The following CEP83 variants were observed in gnomAD, a reference collection of about 807,000 sequenced individuals.
CEP83 encodes the protein centrosomal protein of 83 kDa.
A neutral mutation model predicts 101.9 loss-of-function variants in CEP83; 70 were observed. The observed-to-expected ratio is 0.69, with a 90% CI of 0.57 to 0.84. The LOEUF is 0.84. CEP83 is among the 40% of genes least tolerant of loss of function. The pLI is 0.00. For synonymous variants in CEP83, 264 were observed against 267.9 expected, an observed-to-expected ratio of 0.99 and a Z score of 0.14; for missense variants, 715 against 787.2, an observed-to-expected ratio of 0.91 and a Z score of 1.10.
intron 4 of CEP83, among the ~76,000 whole-genome samples, chr12:94,408,769 A>G (rs151250788): frequency 3.0e-4 from 45 of 152,054 alleles, no homozygotes; most frequent in African/African-American, 1.1e-3. Flanking sequence ...TACTTTTTAG[A>G]GACAGAGTTA....
At chr12:94,411,985 T>A in intron 3 of CEP83, 138 bp from the exon 4 acceptor site, 1 of 733,932 alleles carries the variant, frequency 1.4e-6, no homozygotes, top group Non-Finnish European at 2.2e-6. Flanking sequence ...TATCTTTTAT[T>A]TACAGAGTTT....
At chr12:94,408,126 C>G (rs781315559) in intron 4 of CEP83, 1 of 152,184 alleles carries the variant, frequency 6.6e-6, no homozygotes, top group Admixed American at 6.5e-5. Flanking sequence ...GTGTCTTAGA[C>G]TTCTAATGGA....
At chr12:94,343,470 C>CTTTTTTTTTTTTTTTTTTTTTTTTT in intron 11 of CEP83, among the ~76,000 whole-genome samples, 1 of 84,168 alleles carries the variant, frequency 1.2e-5, no homozygotes, top group Non-Finnish European at 2.2e-5. Flanking sequence ...TAGAAATTAA[C>CTTTTTTTTTTTTTTTTTTTTTTTTT]TTTTTTTTTT....
At chr12:94,453,520 T>C (rs1437412439) in intron 1 of CEP83, among the ~76,000 whole-genome samples, 2 of 152,216 alleles carry the variant, frequency 1.3e-5, no homozygotes, top group Non-Finnish European at 2.9e-5. Flanking sequence ...ACTAATTACT[T>C]TGTCCATTTC....
intron 1 of CEP83, among the ~76,000 whole-genome samples, chr12:94,436,697 G>A (rs1807315324): frequency 6.6e-6 from 1 of 151,836 alleles, no homozygotes; most frequent in Non-Finnish European, 1.5e-5. Context: ...CAGGCACAGT[G>A]GCGTGCACCT....
At chr12:94,459,885 G>A (rs891290445), upstream of CEP83, 7 of 152,888 alleles carry the variant, frequency 4.6e-5, no homozygotes, top group Non-Finnish European at 8.8e-5. Flanking sequence ...CACCCCACGT[G>A]CTGACGTATG....
chr12:94,412,693 C>CT lies in CEP83; in HGVS notation c.-101-103dup, dbSNP rs11330562. 29,286 of 213,386 alleles carry CT rather than the reference C, an allele frequency of 0.14. 3,310 individuals carry two copies. The highest frequency in any genetic ancestry group is 0.43 in the East Asian group (2,969 of 6,964). 13.2% of individuals were successfully genotyped at this position (213,386 alleles called of 1,614,324 possible). On this transcript the variant is annotated intron_variant, in intron 2 of 16. Transcript: ENST00000397809. ...TCACTTTTATTATTCTTTTTTTTTT[C>CT]TTTTTTTTTTTTTTTTGAGAGGAGT...
intron 4 of CEP83, among the ~76,000 whole-genome samples, chr12:94,409,754 C>T (rs1414991918): frequency 6.6e-6 from 1 of 152,126 alleles, no homozygotes; most frequent in African/African-American, 2.4e-5. Context: ...AGGGAAGAAA[C>T]TTTCCTTGCC....
At chr12:94,394,197 G>T (rs1416049576) in intron 6 of CEP83, among the ~76,000 whole-genome samples, 1 of 152,142 alleles carries the variant, frequency 6.6e-6, no homozygotes, top group African/African-American at 2.4e-5. Context: ...AAAGCTGGAG[G>T]CATCACGCTA....
the CEP83 span, among the ~76,000 whole-genome samples, chr12:94,268,588 C>CTT: frequency 0.025 from 2,261 of 90,832 alleles, 54 homozygotes; most frequent in Non-Finnish European, 0.03. Flanking sequence ...AGAATAAGAC[C>CTT]TTTTTTTTTT....
chr12:94,413,803 C>A (rs960641286), intron 2 of CEP83, among the ~76,000 whole-genome samples: 3 of 146,598 alleles, frequency 2.0e-5, no homozygotes, highest in Non-Finnish European at 3.0e-5. Context: ...CCTTTAATTT[C>A]TTTCTCTAGT....
intron 11 of CEP83, among the ~76,000 whole-genome samples, chr12:94,343,868 C>G (rs1418632198): frequency 6.6e-6 from 1 of 152,162 alleles, no homozygotes; most frequent in Non-Finnish European, 1.5e-5. Flanking sequence ...CATGTTCCTT[C>G]AAGATATGAC....
intron 4 of CEP83, among the ~76,000 whole-genome samples, chr12:94,408,857 G>C (rs1203241581): frequency 6.6e-6 from 1 of 152,002 alleles, no homozygotes; most frequent in African/African-American, 2.4e-5. Context: ...CTCAAGGTGG[G>C]AGCCACCATG....
chr12:94,282,209 T>C, the CEP83 span: 6 of 838,738 alleles, frequency 7.2e-6, no homozygotes, highest in East Asian at 1.5e-4. Context: ...TTTACCACTT[T>C]ATTCAAGTTT....
the CEP83 span, chr12:94,294,515 T>A: frequency 1.5e-6 from 2 of 1,317,628 alleles, no homozygotes; most frequent in East Asian, 4.7e-5. Flanking sequence ...TAAAAGTCTT[T>A]AAGAAGATAG....
chr12:94,421,202 A>T (rs1352242728), intron 2 of CEP83, among the ~76,000 whole-genome samples: 2 of 151,988 alleles, frequency 1.3e-5, no homozygotes, highest in East Asian at 1.9e-4. Context: ...CTGGCTTTTT[A>T]AATTTTTTTT....
In CEP83 at chr12:94,369,976, T is replaced by C; in HGVS notation, c.994A>G (p.Arg332Gly). ...TCTCTTTCTAGCTCACTCTTAGCTC[T>C]TGCTGTCTCCAGTTTGATGTCTGTT... Reference protein sequence around the residue: ...EITDIKLETARAKSELERERN... With the variant: ...EITDIKLETAGAKSELERERN... Residue 332 changes from arginine to glycine, a missense_variant, in exon 9 of 17, where the codon AGA (arginine) becomes GGA (glycine). By Grantham distance (125) the Arg-to-Gly change is moderately radical. Coordinates refer to ENST00000397809, the MANE Select transcript of CEP83 (RefSeq NM_016122.3). 6.2e-7 allele frequency: 1 copy of C among 1,611,536 alleles called. No homozygotes were observed. Among genetic ancestry groups the C allele is most frequent in the Non-Finnish European group, 8.5e-7 (1 of 1,178,010 alleles).
intron 11 of CEP83, among the ~76,000 whole-genome samples, chr12:94,360,396 C>T (rs1326824232): frequency 6.6e-6 from 1 of 151,958 alleles, no homozygotes; most frequent in African/African-American, 2.4e-5. Flanking sequence ...CACCAAAAAG[C>T]TCTTAGAACT....
the CEP83 span, chr12:94,277,964 C>T: frequency 2.2e-6 from 1 of 455,962 alleles, no homozygotes; most frequent in Non-Finnish European, 4.4e-6. Flanking sequence ...CCCCTGAGCC[C>T]TAGGCAAATC....
Sources: allele counts gnomAD v4.1 joint callset (sites outside exome capture counted in the v4.1 genomes callset), GRCh38; gene constraint gnomAD v4.1.1; transcripts MANE v1.5; gene names NCBI Gene and HGNC (gene_info 2026-07-23, HGNC 2026-07-21).